LDLRAD3: variants seen among roughly 807,000 people sequenced by gnomAD.
LDLRAD3 encodes the protein low-density lipoprotein receptor class A domain-containing protein 3.
In LDLRAD3, 20 loss-of-function variants were observed where a neutral mutation model predicts 29.4. That is an observed-to-expected ratio of 0.68 (90% confidence interval 0.48 to 0.99). The LOEUF is 0.99. Ranked by LOEUF, LDLRAD3 falls within the 50% of genes least tolerant of loss-of-function variation. The probability of loss-of-function intolerance (pLI) is 0.00; values close to 1 mark genes in which losing one functional copy is unlikely to be tolerated. For synonymous variants in LDLRAD3, 157 were observed against 192.7 expected (o/e 0.81, Z 1.53); for missense variants, 420 against 454.3 (o/e 0.92, Z 0.69).
intron 4 of LDLRAD3, among the ~76,000 whole-genome samples, chr11:36,151,379 G>T (rs949059616): frequency 7.2e-5 from 11 of 152,092 alleles, no homozygotes; most frequent in African/African-American, 2.7e-4. Context: ...ATACAGAAGA[G>T]AGGCACTGCT....
intron 4 of LDLRAD3, among the ~76,000 whole-genome samples, chr11:36,130,900 T>C (rs898082785): frequency 6.6e-6 from 1 of 152,198 alleles, no homozygotes; most frequent in African/African-American, 2.4e-5. Context: ...GCACTATCTC[T>C]TTCATGGACT....
At chr11:36,068,642 G>A (rs539266314) in intron 2 of LDLRAD3, among the ~76,000 whole-genome samples, 4 of 152,064 alleles carry the variant, frequency 2.6e-5, no homozygotes, top group Admixed American at 6.6e-5. Context: ...TCAACCTCCC[G>A]AGTAGCTGGG....
At chr11:36,218,500 C>T (rs1855383145) in intron 4 of LDLRAD3, among the ~76,000 whole-genome samples, 1 of 152,212 alleles carries the variant, frequency 6.6e-6, no homozygotes, top group East Asian at 1.9e-4. Flanking sequence ...TGGCAAGACT[C>T]TCACGGAGGT....
chr11:35,961,195 T>C (rs182362678), intron 1 of LDLRAD3, among the ~76,000 whole-genome samples: 230 of 152,346 alleles, frequency 1.5e-3, no homozygotes, highest in African/African-American at 5.2e-3. Flanking sequence ...GCGTCAGCCA[T>C]GTGCTCCTCC....
intron 1 of LDLRAD3, among the ~76,000 whole-genome samples, chr11:35,951,185 CCTT>C (rs1462396246): frequency 1.5e-4 from 23 of 152,174 alleles, no homozygotes; most frequent in African/African-American, 5.3e-4. Flanking sequence ...TTAAAATCCT[CCTT>C]CATCTTCCTT....
At chr11:36,202,706 A>G (rs1590352733) in intron 4 of LDLRAD3, among the ~76,000 whole-genome samples, 1 of 152,280 alleles carries the variant, frequency 6.6e-6, no homozygotes, top group Non-Finnish European at 1.5e-5. Context: ...TCCCCAGTTT[A>G]GGCTGTAGAT....
intron 2 of LDLRAD3, among the ~76,000 whole-genome samples, chr11:36,052,149 G>A (rs889731227): frequency 1.3e-5 from 2 of 152,136 alleles, no homozygotes; most frequent in African/African-American, 4.8e-5. Context: ...TCTGGGTAGG[G>A]GGAATGTTCA....
At chr11:36,151,967 A>C (rs1046152882) in intron 4 of LDLRAD3, among the ~76,000 whole-genome samples, 21 of 152,058 alleles carry the variant, frequency 1.4e-4, no homozygotes, top group African/African-American at 5.1e-4. Flanking sequence ...AATTACCCCA[A>C]AGTGTCTGCA....
At chr11:36,006,105 C>T (rs879850956) in intron 1 of LDLRAD3, among the ~76,000 whole-genome samples, 2 of 152,142 alleles carry the variant, frequency 1.3e-5, no homozygotes, top group Admixed American at 1.3e-4. Flanking sequence ...CGTTCCTCAT[C>T]CCACAGGAAA....
intron 4 of LDLRAD3, among the ~76,000 whole-genome samples, chr11:36,191,415 C>T (rs1854940225): frequency 6.6e-6 from 1 of 151,388 alleles, no homozygotes; most frequent in Non-Finnish European, 1.5e-5. Flanking sequence ...TGGTGGTGCT[C>T]GCTTACAATC....
At chr11:36,141,030 CT>C (rs1854077916) in intron 4 of LDLRAD3, among the ~76,000 whole-genome samples, 1 of 143,450 alleles carries the variant, frequency 7.0e-6, no homozygotes, top group African/African-American at 2.6e-5. Flanking sequence ...CTCTCTCTCT[CT>C]CTCTCCGTGT....
intron 4 of LDLRAD3, among the ~76,000 whole-genome samples, chr11:36,156,189 C>G (rs887604234): frequency 2.6e-5 from 4 of 152,198 alleles, no homozygotes; most frequent in Non-Finnish European, 5.9e-5. Flanking sequence ...AACAGCTAAG[C>G]ACCTGAAGGG....
intron 1 of LDLRAD3, among the ~76,000 whole-genome samples, chr11:36,024,335 T>TGTATCC (rs1852135428): frequency 2.9e-5 from 2 of 68,362 alleles, no homozygotes; most frequent in Non-Finnish European, 4.1e-5. Context: ...TATCTATAGC[T>TGTATCC]ATATCCATAT....
intron 1 of LDLRAD3, among the ~76,000 whole-genome samples, chr11:35,951,344 T>G (rs1851133141): frequency 6.6e-6 from 1 of 152,162 alleles, no homozygotes; most frequent in African/African-American, 2.4e-5. Context: ...TATTTGTAGT[T>G]TTTTGGCTGG....
chr11:36,092,214 T>A (rs1235870769), intron 3 of LDLRAD3, among the ~76,000 whole-genome samples: 5 of 152,234 alleles, frequency 3.3e-5, no homozygotes, highest in Non-Finnish European at 7.3e-5. Flanking sequence ...TAATACAGGG[T>A]TGCCTTTGGC....
intron 4 of LDLRAD3, among the ~76,000 whole-genome samples, chr11:36,141,035 T>TCTCTCTCTCTCC (rs71044551): frequency 2.1e-5 from 3 of 145,774 alleles, no homozygotes; most frequent in Non-Finnish European, 4.5e-5. Flanking sequence ...TCTCTCTCTC[T>TCTCTCTCTCTCC]CCGTGTGGGG....
chr11:36,012,736 A>G (rs928305989), intron 1 of LDLRAD3, among the ~76,000 whole-genome samples: 1 of 152,178 alleles, frequency 6.6e-6, no homozygotes, highest in African/African-American at 2.4e-5. Flanking sequence ...TGAATGGTTT[A>G]TTTTTGGAAT....
intron 4 of LDLRAD3, among the ~76,000 whole-genome samples, chr11:36,126,303 AG>A (rs1162387181): frequency 1.3e-5 from 2 of 152,194 alleles, no homozygotes; most frequent in East Asian, 3.9e-4. Flanking sequence ...TCTGCTCATC[AG>A]GCACCATTTA....
intron 4 of LDLRAD3, among the ~76,000 whole-genome samples, chr11:36,208,982 A>T (rs1184589537): frequency 6.6e-6 from 1 of 152,268 alleles, no homozygotes; most frequent in Non-Finnish European, 1.5e-5. Context: ...ATCAAAGTTA[A>T]CATCATCAGT....
Sources: gnomAD v4.1 joint callset for allele counts (sites outside exome capture counted in the v4.1 genomes callset) on GRCh38, gnomAD v4.1.1 for gene constraint, MANE v1.5 for transcripts, NCBI Gene and HGNC (gene_info 2026-07-23, HGNC 2026-07-21) for gene names.